The following GTF3C1 variants were observed in gnomAD, a reference collection of about 807,000 sequenced individuals.
GTF3C1 encodes general transcription factor 3C polypeptide 1.
In GTF3C1, 57 loss-of-function variants were observed where a neutral mutation model predicts 226.7. The ratio of observed to expected loss-of-function variants is 0.25; its 90% CI spans 0.20 to 0.31. The LOEUF (loss-of-function observed/expected upper bound fraction) is 0.31, where lower values mean the gene tolerates loss of function less well. Ranked by LOEUF, GTF3C1 falls within the 10% of genes least tolerant of loss-of-function variation. GTF3C1 has a pLI of 1.00. For synonymous variants in GTF3C1, 1,090 were observed against 1,084.8 expected (o/e 1.00, Z -0.09); for missense variants, 2,217 against 2,776.1 (o/e 0.80, Z 4.53).
intron 33 of GTF3C1, among the ~76,000 whole-genome samples, 163 bp downstream of exon 33, chr16:27,465,097 C>T (rs1001434323): frequency 2.6e-4 from 40 of 152,342 alleles, no homozygotes; most frequent in African/African-American, 8.9e-4. Flanking sequence ...ACCCTCAAAG[C>T]GGATGTGAAA....
In GTF3C1 at chr16:27,471,158, G is replaced by A. The variant is rs2087861799; in HGVS notation, c.4526+590C>T. On this transcript the variant is annotated intron_variant, in intron 30 of 36. Transcript: ENST00000356183. This position sits in a 1 kb window ranked among gnomAD's most constrained non-coding sequence, Gnocchi z 5.0. The stretch of plus-strand genomic sequence containing the variant: ...TGCAGCCCCGTGCAGACCTGAGTGC[G>A]GGGAAGGAGAATGGTGTGAAGGGGA... 1.3e-5 allele frequency among the ~76,000 whole-genome samples: 2 copies of A among 152,256 alleles called. No individual in the cohort carries two copies. The highest frequency in any genetic ancestry group is 1.3e-4 in the Admixed American group (2 of 15,290).
rs768812849 is a variant in GTF3C1 at position 27,492,571 on chromosome 16, C to T, written c.2973+46G>A. Reference sequence around the variant, plus strand: ...ACATTGGGTCTGGCTGCTTGGAGACCGTTTAACAATCAGAATTTCCTTCGT... The same window carrying T: ...ACATTGGGTCTGGCTGCTTGGAGACTGTTTAACAATCAGAATTTCCTTCGT... On this transcript the variant is annotated intron_variant, in intron 18 of 36. Transcript: ENST00000356183. The surrounding 1 kb of genome is among the most constrained non-coding windows in gnomAD (Gnocchi z 5.0). The T allele has an allele frequency of 6.5e-6, 10 of 1,542,316 alleles. No homozygotes were observed. Among genetic ancestry groups the T allele is most frequent in the East Asian group, 4.5e-5 (2 of 44,544 alleles).
intron 6 of GTF3C1, among the ~76,000 whole-genome samples, chr16:27,525,492 A>G (rs1290640345): frequency 6.6e-6 from 1 of 152,234 alleles, no homozygotes; most frequent in Non-Finnish European, 1.5e-5. Flanking sequence ...TACCTGTGGT[A>G]TTGTAATTAT....
chr16:27,478,167 T>C (rs185564463), intron 28 of GTF3C1, among the ~76,000 whole-genome samples: 1 of 150,906 alleles, frequency 6.6e-6, no homozygotes, highest in Non-Finnish European at 1.5e-5. Flanking sequence ...CAAGACTCCA[T>C]CTCAAAAGAA....
chr16:27,534,396 T>C (rs1389154275), intron 4 of GTF3C1, among the ~76,000 whole-genome samples: 1 of 152,192 alleles, frequency 6.6e-6, no homozygotes, highest in Non-Finnish European at 1.5e-5. Context: ...CTTACAGTCC[T>C]AGCAGAAGGG....
rs2087836198 is a variant in GTF3C1 at position 27,469,579 on chromosome 16, G to A, written c.4815-29C>T. The A allele has an allele frequency of 6.3e-7, 1 of 1,593,394 alleles. No homozygotes were observed. Among genetic ancestry groups the A allele is most frequent in the Non-Finnish European group, 8.6e-7 (1 of 1,165,128 alleles). ...GAAGGGAATTGTGACCTGGATACCT[G>A]AGCATAGGCCAGCCAGTTGCTACTG... On this transcript the variant is annotated intron_variant, in intron 31 of 36. Coordinates refer to ENST00000356183, the MANE Select transcript of GTF3C1 (RefSeq NM_001520.4). This position sits in a 1 kb window ranked among gnomAD's most constrained non-coding sequence, Gnocchi z 4.5.
chr16:27,508,720 C>T (rs566907385), intron 7 of GTF3C1, 65 bp from the exon 8 acceptor site: 1 of 1,170,782 alleles, frequency 8.5e-7, no homozygotes, highest in South Asian at 1.3e-5. Flanking sequence ...AAGTCAGTTT[C>T]CAGCCCACTT....
chr16:27,499,102 C>T (rs2088365910), intron 12 of GTF3C1, among the ~76,000 whole-genome samples: 2 of 152,194 alleles, frequency 1.3e-5, no homozygotes, highest in South Asian at 4.1e-4. Flanking sequence ...CTGAGAATTT[C>T]CCAGTTGCTT....
chr16:27,513,475 A>G (rs1241123927), intron 6 of GTF3C1, among the ~76,000 whole-genome samples: 1 of 152,138 alleles, frequency 6.6e-6, no homozygotes, highest in African/African-American at 2.4e-5. Flanking sequence ...CTGAACAACA[A>G]CAACAAAAAG....
intron 10 of GTF3C1, among the ~76,000 whole-genome samples, chr16:27,505,089 T>C (rs1482180074): frequency 6.6e-6 from 1 of 152,204 alleles, no homozygotes; most frequent in African/African-American, 2.4e-5. Context: ...GGTACTGTTA[T>C]GTCACAAGTG....
intron 7 of GTF3C1, among the ~76,000 whole-genome samples, chr16:27,510,111 C>T (rs994626050): frequency 6.6e-6 from 1 of 151,792 alleles, no homozygotes; most frequent in Admixed American, 6.6e-5. Context: ...TTAGTCCGGA[C>T]GCTGTGGCTC....
rs1185047767 is a variant in GTF3C1, at chr16:27,461,706, T to C, written c.6118-144A>G. The C allele has an allele frequency of 7.7e-6, 5 of 649,734 alleles. No individual in the cohort carries two copies. In the East Asian group the frequency reaches 1.4e-4, roughly 18 times the overall value. 40.2% of individuals were successfully genotyped at this position (649,734 alleles called of 1,614,324 possible). ...GCACCTGAACTGGGCATGAGGCAGATGGGGATGTACCAGGAGGGTTCAGGC... is the reference window on the plus strand; with the variant it reads ...GCACCTGAACTGGGCATGAGGCAGACGGGGATGTACCAGGAGGGTTCAGGC... On this transcript the variant is annotated intron_variant, in intron 36 of 36. Transcript: ENST00000356183. The surrounding 1 kb of genome is among the most constrained non-coding windows in gnomAD (Gnocchi z 5.3).
Position 27,545,528 on chromosome 16 carries a change from G to A in GTF3C1, c.222-5C>T, listed in dbSNP as rs754675464. The A allele has an allele frequency of 4.5e-6, 7 of 1,551,546 alleles. No homozygotes were observed. Among genetic ancestry groups the A allele is most frequent in the African/African-American group, 1.4e-5 (1 of 73,724 alleles). Reference sequence around the variant, plus strand: ...TCCAAATCAATTTCTTCATACCTAAGGAGAAAAACACAAATATCAAAGCCC... The same window carrying A: ...TCCAAATCAATTTCTTCATACCTAAAGAGAAAAACACAAATATCAAAGCCC... On this transcript the variant is annotated splice_polypyrimidine_tract_variant and splice_region_variant and intron_variant, in intron 1 of 36. Transcript: ENST00000356183.
chr16:27,503,159 A>G (rs1435587794), intron 10 of GTF3C1, among the ~76,000 whole-genome samples, 164 bp from the exon 11 acceptor site: 9 of 152,132 alleles, frequency 5.9e-5, no homozygotes, highest in Non-Finnish European at 1.3e-4. Context: ...CCACTACTCT[A>G]CCATCTCAAT....
Position 27,502,961 on chromosome 16 carries a change from C to G in GTF3C1, c.1805G>C (p.Ser602Thr), listed in dbSNP as rs757020912. 6.2e-7 allele frequency: 1 copy of G among 1,612,670 alleles called. No individual in the cohort carries two copies. The highest frequency in any genetic ancestry group is 1.7e-5 in the Admixed American group (1 of 60,014). ...TTCGTGTGGTTTGTCTTGGCCTGAG[C>G]TGTGCCTCCCAGTCTTCAGGGAACT... is the stretch of plus-strand genomic sequence containing the variant. ...SSSSLKTGRH[S>T]SGQDKPHETY... The change falls in exon 11 of 37, where the codon AGC (serine) becomes ACC (threonine). Residue 602 changes from serine (S) to threonine (T), a missense_variant. Transcript: ENST00000356183.
intron 12 of GTF3C1, among the ~76,000 whole-genome samples, chr16:27,499,590 C>T (rs546463820): frequency 8.8e-4 from 134 of 152,318 alleles, no homozygotes; most frequent in African/African-American, 2.7e-3. Flanking sequence ...CAAGGGCTCC[C>T]GAATGCCACA....
rs1444409558 is a variant in GTF3C1, at chr16:27,549,846, C to G, written c.45G>C (p.Gly15=). Residue 15 remains glycine, a synonymous_variant, in exon 1 of 37, where the codon GGG becomes GGC. Transcript: ENST00000356183. ...GCGCTGGCAGACACAGGCCATCGAG[C>G]CCCTCCAGAGCGACTTCGTCCAACA... The part of the protein sequence containing the change: ...ESLLDEVALE[G]LDGLCLPALW... 4.3e-6 allele frequency: 7 copies of G among 1,613,124 alleles called. No homozygotes were observed. Among genetic ancestry groups the G allele is most frequent in the Non-Finnish European group, 5.9e-6 (7 of 1,179,868 alleles).
rs184476727 is a variant in GTF3C1, at chr16:27,524,137, G to C, written c.973+4461C>G. On this transcript the variant is annotated intron_variant, in intron 6 of 36. Transcript: ENST00000356183. ...ACATACCAGCATGAAGCAGGCCGCA[G>C]GCTATACAGTGGGAAGCGGGTGTCT... is the stretch of plus-strand genomic sequence containing the variant. Among the ~76,000 whole-genome samples the C allele has an allele frequency of 3.9e-5, 6 of 152,354 alleles. No individual in the cohort carries two copies. The East Asian group carries it at 1.2e-3, about 29-fold the overall frequency.
At chr16:27,510,369 C>T (rs1200189992) in intron 7 of GTF3C1, among the ~76,000 whole-genome samples, 2 of 151,164 alleles carry the variant, frequency 1.3e-5, no homozygotes, top group South Asian at 2.1e-4. Context: ...ATGGGCGACA[C>T]AGCGAGACTC....
Sources: gnomAD v4.1 joint callset for allele counts (sites outside exome capture counted in the v4.1 genomes callset) on GRCh38, gnomAD v4.1.1 for gene constraint, Gnocchi (gnomAD v3.1) non-coding constraint, MANE v1.5 for transcripts, NCBI Gene and HGNC (gene_info 2026-07-23, HGNC 2026-07-21) for gene names.